MEGF10: variants seen among roughly 807,000 people sequenced by gnomAD.
The protein encoded by MEGF10 is multiple EGF like domains 10, also known as multiple epidermal growth factor-like domains protein 10.
MEGF10 carries 86 observed loss-of-function variants against 147.5 expected under a neutral mutation model. The observed-to-expected ratio is 0.58, with a 90% CI of 0.49 to 0.70. The LOEUF is 0.70. Among genes scored for constraint, MEGF10 ranks in the 30% least tolerant of loss-of-function variants. MEGF10 has a pLI of 0.00. For synonymous variants in MEGF10, 478 were observed against 525.5 expected, an observed-to-expected ratio of 0.91 and a Z score of 1.24; for missense variants, 1,329 against 1,487.3, an observed-to-expected ratio of 0.89 and a Z score of 1.75.
chr5:127,244,355 G>A, the MEGF10 span, among the ~76,000 whole-genome samples: 2 of 148,768 alleles, frequency 1.3e-5, no homozygotes, highest in Admixed American at 1.3e-4. Flanking sequence ...CCAGGTGACA[G>A]TGCGAGACTC....
chr5:127,340,260 A>G (rs540588684), intron 3 of MEGF10, among the ~76,000 whole-genome samples: 2 of 152,184 alleles, frequency 1.3e-5, no homozygotes, highest in East Asian at 3.8e-4. Flanking sequence ...ACGTAAGTGA[A>G]TGATGCTTTG....
the MEGF10 span, among the ~76,000 whole-genome samples, chr5:127,271,641 T>C: frequency 6.6e-6 from 1 of 152,064 alleles, no homozygotes; most frequent in African/African-American, 2.4e-5. Flanking sequence ...CCCCATGCTG[T>C]TCTCCTGATA....
intron 22 of MEGF10, among the ~76,000 whole-genome samples, chr5:127,452,224 T>A (rs1263672926): frequency 1.3e-5 from 2 of 152,214 alleles, no homozygotes; most frequent in African/African-American, 4.8e-5. Context: ...TAACTTACTA[T>A]CTGCTCCATG....
chr5:127,287,105 A>G (rs1730643798), upstream of MEGF10, among the ~76,000 whole-genome samples: 1 of 152,008 alleles, frequency 6.6e-6, no homozygotes, highest in Admixed American at 6.5e-5. Context: ...GGTAAAATAA[A>G]CAATTTCTAG....
At chr5:127,325,955 A>G (rs1370627566) in intron 1 of MEGF10, among the ~76,000 whole-genome samples, 2 of 146,278 alleles carry the variant, frequency 1.4e-5, no homozygotes, top group Admixed American at 7.0e-5. Flanking sequence ...CCCAGCTGGA[A>G]TGCAGTGCCA....
At chr5:127,229,897 G>A in the MEGF10 span, 3 of 152,176 alleles carry the variant, frequency 2.0e-5, no homozygotes, top group Non-Finnish European at 4.4e-5. Flanking sequence ...CGTGTGCAAA[G>A]TATGTGTTTT....
At position 127,417,749 on chromosome 5, in the gene MEGF10, C is replaced by G. The variant is rs775302538; in HGVS notation, c.1242C>G (p.Ser414Arg). The G allele has an allele frequency of 6.2e-6, 10 of 1,614,094 alleles. No homozygotes were observed. The highest frequency in any genetic ancestry group is 8.5e-6 in the Non-Finnish European group (10 of 1,180,008). Residue 414 changes from serine (S) to arginine (R), a missense_variant, in exon 10 of 25, where the codon AGC (serine) becomes AGG (arginine). Around this residue, in one of 3 missense-constraint regions of MEGF10, gnomAD observed 980 missense variants for 1,085.9 expected, o/e 0.90. Transcript: ENST00000503335. ...FYGEACQQIC[S>R]CQNGADCDSV... ...GGGAAGCTTGCCAGCAGATCTGCAG[C>G]TGCCAAAATGGGGCAGACTGTGACA...
At chr5:127,238,980 T>TATATTGAGAAGGACAAACATCAC in the MEGF10 span, among the ~76,000 whole-genome samples, 242 of 152,290 alleles carry the variant, frequency 1.6e-3, 1 homozygote, top group African/African-American at 5.7e-3. Flanking sequence ...CCTGAGGTGA[T>TATATTGAGAAGGACAAACATCAC]ATATTGAGAA....
the MEGF10 span, among the ~76,000 whole-genome samples, chr5:127,263,927 A>G: frequency 2.5e-3 from 379 of 152,324 alleles, 3 homozygotes; most frequent in Middle Eastern, 0.02. Flanking sequence ...CCATTACATT[A>G]TGACAGTAAT....
the MEGF10 span, among the ~76,000 whole-genome samples, chr5:127,232,817 A>G: frequency 6.6e-6 from 1 of 152,188 alleles, no homozygotes; most frequent in East Asian, 1.9e-4. Context: ...GCAAACACAG[A>G]GGCAGGAAAG....
intron 5 of MEGF10, among the ~76,000 whole-genome samples, chr5:127,384,597 A>G: frequency 6.6e-6 from 1 of 152,242 alleles, no homozygotes; most frequent in East Asian, 1.9e-4. Context: ...ATTTGAGATA[A>G]GCTTACACTG....
At chr5:127,297,171 T>C (rs1341179496) in intron 1 of MEGF10, among the ~76,000 whole-genome samples, 1 of 152,212 alleles carries the variant, frequency 6.6e-6, no homozygotes, top group Non-Finnish European at 1.5e-5. Flanking sequence ...TTTGCCATAT[T>C]GGCCAGGCTG....
chr5:127,337,333 A>G (rs1421968475), intron 2 of MEGF10, among the ~76,000 whole-genome samples: 1 of 152,104 alleles, frequency 6.6e-6, no homozygotes, highest in Non-Finnish European at 1.5e-5. Context: ...CTAATCATTT[A>G]TAGGAAAAAG....
upstream of MEGF10, among the ~76,000 whole-genome samples, chr5:127,287,370 C>G (rs369567509): frequency 3.3e-5 from 5 of 151,810 alleles, no homozygotes; most frequent in Admixed American, 3.3e-4. Flanking sequence ...ACTACTAGAA[C>G]GAATAAGTAA....
intron 24 of MEGF10, among the ~76,000 whole-genome samples, chr5:127,456,423 T>TTC (rs1047502744): frequency 8.0e-5 from 12 of 150,804 alleles, no homozygotes; most frequent in African/African-American, 1.7e-4. Flanking sequence ...ATATTTTCAT[T>TTC]TCTCTCTCTC....
intron 4 of MEGF10, among the ~76,000 whole-genome samples, chr5:127,358,002 G>T (rs939068302): frequency 6.6e-6 from 1 of 152,280 alleles, no homozygotes; most frequent in African/African-American, 2.4e-5. Context: ...TTGAGTTTGT[G>T]TTCCCTGGTT....
intron 1 of MEGF10, among the ~76,000 whole-genome samples, chr5:127,309,984 T>TCTTTCTTC (rs1760201325): frequency 1.3e-5 from 1 of 76,272 alleles, no homozygotes; most frequent in Non-Finnish European, 3.0e-5. Flanking sequence ...TTTCTTTCTT[T>TCTTTCTTC]CTTTCTTTCT....
intron 13 of MEGF10, chr5:127,424,444 A>C: frequency 1.8e-6 from 2 of 1,117,242 alleles, no homozygotes; most frequent in Non-Finnish European, 2.6e-6. Context: ...GATTGAATCT[A>C]TAGATCAATT....
chr5:127,397,815 G>T (rs960038228), intron 6 of MEGF10, among the ~76,000 whole-genome samples: 4 of 152,278 alleles, frequency 2.6e-5, no homozygotes, highest in African/African-American at 9.6e-5. Flanking sequence ...TAAAGAAGAA[G>T]GGCCATGCGA....
Sources: gnomAD v4.1 joint callset for allele counts (sites outside exome capture counted in the v4.1 genomes callset) on GRCh38, gnomAD v4.1.1 for gene constraint, gnomAD v4.1.1 regional missense constraint, MANE v1.5 for transcripts, NCBI Gene and HGNC (gene_info 2026-07-23, HGNC 2026-07-21) for gene names.